Variants in PDGFC observed in about 807,000 individuals in gnomAD.
PDGFC encodes platelet derived growth factor C, also known as platelet-derived growth factor C.
In PDGFC, 12 loss-of-function variants were observed where a neutral mutation model predicts 35.5. The observed-to-expected ratio is 0.34, with a 90% CI of 0.22 to 0.55. The LOEUF (loss-of-function observed/expected upper bound fraction) is 0.55, where lower values mean the gene tolerates loss of function less well. PDGFC is among the 20% of genes least tolerant of loss of function. The pLI, the probability that PDGFC is intolerant of heterozygous loss-of-function variation, is 0.91. For missense variants in PDGFC, 322 were observed against 412.4 expected (o/e 0.78, Z 1.90); for synonymous variants, 159 against 148.8 (o/e 1.07, Z -0.50).
intron 1 of PDGFC, among the ~76,000 whole-genome samples, chr4:156,855,284 C>CAA (rs1458400204): frequency 1.3e-5 from 2 of 152,080 alleles, no homozygotes; most frequent in African/African-American, 4.8e-5. Flanking sequence ...TATAATCCTT[C>CAA]AAAATGCTAC....
At chr4:156,906,541 G>A (rs1730919341) in intron 1 of PDGFC, among the ~76,000 whole-genome samples, 1 of 152,048 alleles carries the variant, frequency 6.6e-6, no homozygotes, top group Non-Finnish European at 1.5e-5. Flanking sequence ...TGACTTCCTG[G>A]TTTTTCACTA....
At chr4:156,932,385 C>T (rs975004014) in intron 1 of PDGFC, among the ~76,000 whole-genome samples, 3 of 152,104 alleles carry the variant, frequency 2.0e-5, no homozygotes, top group African/African-American at 7.2e-5. Flanking sequence ...ACCCAGCCAT[C>T]CCATTACTGG....
intron 1 of PDGFC, among the ~76,000 whole-genome samples, chr4:156,963,631 C>T (rs142806292): frequency 6.6e-6 from 1 of 152,160 alleles, no homozygotes; most frequent in Non-Finnish European, 1.5e-5. Flanking sequence ...GGCAAATAAC[C>T]GTCCAGGGAG....
At chr4:156,878,049 C>A (rs1730156553) in intron 1 of PDGFC, among the ~76,000 whole-genome samples, 1 of 152,162 alleles carries the variant, frequency 6.6e-6, no homozygotes, top group African/African-American at 2.4e-5. Context: ...AGGTATAGGA[C>A]TAGGTTTGCC....
In PDGFC at chr4:156,824,347, CACAT is replaced by C. The variant is rs1267446559; in HGVS notation, c.315-13334_315-13331del. ...ATATATACACACACACACACACACA[CACAT>C]ATACACACATATATACACACACATA... On this transcript the variant is annotated intron_variant, in intron 2 of 5. Transcript: ENST00000502773. Among the ~76,000 whole-genome samples, 2 of 115,530 alleles carry C rather than the reference CACAT, an allele frequency of 1.7e-5. 1 individual carries two copies. The highest frequency in any genetic ancestry group is 3.4e-5 in the Non-Finnish European group (2 of 59,058). 75.8% of individuals were successfully genotyped at this position (115,530 alleles called of 152,430 possible).
At chr4:156,962,062 T>C (rs574114991) in intron 1 of PDGFC, among the ~76,000 whole-genome samples, 19 of 152,256 alleles carry the variant, frequency 1.2e-4, no homozygotes, top group African/African-American at 4.1e-4. Flanking sequence ...AGGAACTGAA[T>C]AGAAAGGGTT....
rs1553967848 is a variant in PDGFC, at chr4:156,826,174, A to ATAT, written c.315-15158_315-15157insATA. Among the ~76,000 whole-genome samples the ATAT allele has an allele frequency of 2.6e-3, 113 of 43,782 alleles. 1 individual carries two copies. In the South Asian group the frequency reaches 0.038, roughly 15 times the overall value. The allele number at this position is 43,782 out of a possible 152,430, so 28.7% of individuals were successfully genotyped here. The stretch of plus-strand genomic sequence containing the variant: ...GCCACCATATCCAGCTTTGAGTTGG[A>ATAT]TTTTTTTTTTTTTTTTTTTTTTTTT... On this transcript the variant is annotated intron_variant, in intron 2 of 5. Coordinates refer to ENST00000502773, the MANE Select transcript of PDGFC (RefSeq NM_016205.3).
chr4:156,921,988 A>G (rs114318207), intron 1 of PDGFC, among the ~76,000 whole-genome samples: 292 of 152,290 alleles, frequency 1.9e-3, no homozygotes, highest in African/African-American at 6.1e-3. Flanking sequence ...ATATTAGGTA[A>G]GGAGAAAATT....
chr4:156,846,693 G>C (rs181829783), intron 2 of PDGFC, among the ~76,000 whole-genome samples: 14 of 151,764 alleles, frequency 9.2e-5, no homozygotes, highest in African/African-American at 3.4e-4. Flanking sequence ...ACTAATGTTC[G>C]ATGGGAAATA....
chr4:156,924,054 C>A (rs1334638005), intron 1 of PDGFC, among the ~76,000 whole-genome samples: 2 of 152,146 alleles, frequency 1.3e-5, no homozygotes, highest in African/African-American at 4.8e-5. Flanking sequence ...ATTCTTTATT[C>A]ATTTAAAGCC....
At chr4:156,831,590 T>C (rs1728934747) in intron 2 of PDGFC, among the ~76,000 whole-genome samples, 1 of 151,704 alleles carries the variant, frequency 6.6e-6, no homozygotes, top group Non-Finnish European at 1.5e-5. Context: ...ACCACAGGGA[T>C]GTGCCACCAC....
At chr4:156,917,237 C>G (rs140125376) in intron 1 of PDGFC, among the ~76,000 whole-genome samples, 268 of 152,268 alleles carry the variant, frequency 1.8e-3, no homozygotes, top group African/African-American at 5.6e-3. Context: ...TTGAATGATT[C>G]TTTGGGGAAA....
At position 156,948,184 on chromosome 4, in the gene PDGFC, G is replaced by C. The variant is rs143790165; in HGVS notation, c.118+22602C>G. ...AAAAAACCTCCCAGAATATTGTCTT[G>C]ATCTTCAAGGCTCAAGAGGGGATGT... is the stretch of plus-strand genomic sequence containing the variant. On this transcript the variant is annotated intron_variant, in intron 1 of 5. Transcript: ENST00000502773. Among the ~76,000 whole-genome samples, 499 of 142,482 alleles carry C rather than the reference G, an allele frequency of 3.5e-3. 4 individuals carry two copies. The highest frequency in any genetic ancestry group is 0.012 in the African/African-American group (471 of 38,666). The allele number at this position is 142,482 out of a possible 152,430, so 93.5% of individuals were successfully genotyped here.
chr4:156,915,076 G>A (rs944265252), intron 1 of PDGFC, among the ~76,000 whole-genome samples: 1 of 151,974 alleles, frequency 6.6e-6, no homozygotes, highest in Non-Finnish European at 1.5e-5. Context: ...ACAAAAAAAT[G>A]GCCAAAAAAA....
intron 3 of PDGFC, among the ~76,000 whole-genome samples, chr4:156,802,175 T>C (rs1410042369): frequency 6.6e-6 from 1 of 152,178 alleles, no homozygotes; most frequent in East Asian, 1.9e-4. Context: ...TGTGTTGTTT[T>C]CTTCTGGGTA....
At chr4:156,825,275 G>A (rs1732411021) in intron 2 of PDGFC, among the ~76,000 whole-genome samples, 2 of 151,686 alleles carry the variant, frequency 1.3e-5, no homozygotes, top group African/African-American at 2.4e-5. Context: ...AAGGCCAGGC[G>A]TGGTGACTCA....
intron 3 of PDGFC, among the ~76,000 whole-genome samples, chr4:156,791,805 T>C (rs1731306144): frequency 6.6e-6 from 1 of 152,190 alleles, no homozygotes; most frequent in African/African-American, 2.4e-5. Flanking sequence ...CTTACAAAGA[T>C]GCATTACAAA....
At position 156,767,993 on chromosome 4, in the gene PDGFC, A is replaced by C. The variant is rs763862874; in HGVS notation, c.704-3T>G. ...TGTTAGAAGGTTCAGATCCACCACT[A>C]TATGGTATAAAAGAAAGCAAAGAAA... On this transcript the variant is annotated splice_polypyrimidine_tract_variant and splice_region_variant and intron_variant, in intron 4 of 5. Coordinates refer to ENST00000502773, the MANE Select transcript of PDGFC (RefSeq NM_016205.3). 1 of 1,566,928 alleles carries C rather than the reference A, an allele frequency of 6.4e-7. No homozygotes were observed.
At chr4:156,807,539 A>C (rs990839270) in intron 3 of PDGFC, among the ~76,000 whole-genome samples, 8 of 152,040 alleles carry the variant, frequency 5.3e-5, no homozygotes, top group African/African-American at 1.9e-4. Flanking sequence ...TGTTATTCAT[A>C]AACTGAGGAA....
Sources: gnomAD v4.1 joint callset for allele counts (sites outside exome capture counted in the v4.1 genomes callset) on GRCh38, gnomAD v4.1.1 for gene constraint, MANE v1.5 for transcripts, NCBI Gene and HGNC (gene_info 2026-07-23, HGNC 2026-07-21) for gene names.